The following ACY1 variants were observed in gnomAD, a reference collection of about 807,000 sequenced individuals.
ACY1 encodes the protein aminoacylase 1, also known as aminoacylase-1.
Under a neutral mutation model 53.3 loss-of-function variants are expected in ACY1, and 38 were observed. The observed-to-expected ratio is 0.71, with a 90% CI of 0.55 to 0.93. The LOEUF (loss-of-function observed/expected upper bound fraction) is 0.93. Ranked by LOEUF, ACY1 falls within the 40% of genes least tolerant of loss-of-function variation. The pLI is 0.00. For missense variants in ACY1, 484 were observed against 540.9 expected, an observed-to-expected ratio of 0.89 and a Z score of 1.04; for synonymous variants, 177 against 202.1, an observed-to-expected ratio of 0.88 and a Z score of 1.05.
rs774101500 is a variant in ACY1, at chr3:51,985,240, G to T, written c.128G>T (p.Arg43Leu). 4 of 1,607,452 alleles carry T rather than the reference G, an allele frequency of 2.5e-6. No homozygotes were observed. Among genetic ancestry groups the T allele is most frequent in the Non-Finnish European group, 3.4e-6 (4 of 1,177,172 alleles). ...AAVAFFEETA[R>L]QLGLGCQKVE... Reference sequence around the variant, plus strand: ...GTGGCTTTCTTTGAGGAGACAGCCCGCCAGCTGGGCCTGGGCTGTCAGAAA... The same window carrying T: ...GTGGCTTTCTTTGAGGAGACAGCCCTCCAGCTGGGCCTGGGCTGTCAGAAA... Residue 43 changes from arginine (R) to leucine (L), a missense_variant, in exon 3 of 15, where the codon CGC (arginine) becomes CTC (leucine). Coordinates refer to ENST00000636358, the MANE Select transcript of ACY1 (RefSeq NM_000666.3).
At position 51,988,813 on chromosome 3, in the gene ACY1, G is replaced by A. The variant is rs145142945; in HGVS notation, c.1049G>A (p.Arg350His). The A allele has an allele frequency of 8.7e-6, 14 of 1,614,008 alleles. No individual in the cohort carries two copies. Among genetic ancestry groups the A allele is most frequent in the Admixed American group, 5.0e-5 (3 of 60,000 alleles). Reference sequence around the variant, plus strand: ...ATCATGCCTGCTGCCACTGACAACCGCTATATCCGCGCGGTGAGCCACTTG... The same window carrying A: ...ATCATGCCTGCTGCCACTGACAACCACTATATCCGCGCGGTGAGCCACTTG... ...PEIMPAATDN[R>H]YIRAVGVPAL... Residue 350 changes from arginine to histidine, a missense_variant, in exon 14 of 15, where the codon CGC (arginine) becomes CAC (histidine). Physicochemically the swap from Arg to His is conservative, Grantham distance 29. Transcript: ENST00000636358.
At position 51,984,141 on chromosome 3, in the gene ACY1, A is replaced by C. The variant is rs766664678; in HGVS notation, c.77A>C (p.Gln26Pro). ...FRQYLRIRTV[Q>P]PKPDYGAAVA... ...CAGTACCTGCGTATCCGCACTGTCC[A>C]GCCCAAGCCTGACTATGGTGAGAAG... is the stretch of plus-strand genomic sequence containing the variant. The change falls in exon 2 of 15, where the codon CAG becomes CCG. Residue 26 changes from glutamine (Q) to proline (P), a missense_variant. Coordinates refer to ENST00000636358, the MANE Select transcript of ACY1 (RefSeq NM_000666.3). The C allele has an allele frequency of 4.3e-6, 7 of 1,613,874 alleles. No individual in the cohort carries two copies. The highest frequency in any genetic ancestry group is 5.9e-6 in the Non-Finnish European group (7 of 1,180,020).
At chr3:51,984,231 A>C (rs1215011272) in intron 2 of ACY1, 73 bp downstream of exon 2, 1 of 1,377,470 alleles carries the variant, frequency 7.3e-7, no homozygotes, top group Non-Finnish European at 1.0e-6. Flanking sequence ...CCAGCCTCCA[A>C]CCCCTGTCAC....
intron 12 of ACY1, 75 bp from the exon 13 acceptor site, chr3:51,988,449 A>G (rs1577732175): frequency 7.2e-7 from 1 of 1,393,978 alleles, no homozygotes. Context: ...TGTACTAGGC[A>G]CAGCCCACTC....
chr3:51,987,593 CTGGCGAGGGGG>C lies in ACY1; in HGVS notation c.892_902del (p.Gly298HisfsTer17). 1 of 1,614,146 alleles carries C rather than the reference CTGGCGAGGGGG, an allele frequency of 6.2e-7. No individual in the cohort carries two copies. The highest frequency in any genetic ancestry group is 8.5e-7 in the Non-Finnish European group (1 of 1,180,014). On this transcript the variant is annotated frameshift_variant, in exon 12 of 15. Coordinates refer to ENST00000636358, the MANE Select transcript of ACY1 (RefSeq NM_000666.3). LOFTEE classifies it high-confidence loss of function. ...CAGCTGCAGAGCTGGTGCCAGGCAG[CTGGCGAGGGGG>C]TCACCCTAGAGTTTGCTCAGGTATG...
intron 12 of ACY1, 195 bp from the exon 13 acceptor site, chr3:51,988,329 G>A: frequency 1.5e-6 from 1 of 656,098 alleles, no homozygotes; most frequent in Non-Finnish European, 2.8e-6. Flanking sequence ...GTAGACGGAG[G>A]GTGGGAAGGT....
In ACY1 at chr3:51,985,392, C is replaced by A; in HGVS notation, c.191C>A (p.Thr64Asn). 2.5e-6 allele frequency: 4 copies of A among 1,614,132 alleles called. No individual in the cohort carries two copies. The highest frequency in any genetic ancestry group is 3.4e-6 in the Non-Finnish European group (4 of 1,180,030). The change falls in exon 4 of 15, where the codon ACC becomes AAC. Residue 64 changes from threonine (T) to asparagine (N), a missense_variant. Thr to Asn is a moderately conservative substitution (Grantham distance 65, BLOSUM62 0). Transcript: ENST00000636358. ...CCTGGCTATGTGGTGACCGTGTTGA[C>A]CTGGCCAGGCACCAACCCTACACTC... ...VAPGYVVTVL[T>N]WPGTNPTLSS...
At chr3:51,984,833 A>AT in intron 2 of ACY1, 1 of 269,194 alleles carries the variant, frequency 3.7e-6, no homozygotes, top group South Asian at 4.0e-5. Context: ...AAAAAAAAAA[A>AT]GGAAAAGAAA....
intron 5 of ACY1, 135 bp downstream of exon 5, chr3:51,986,081 A>G (rs1701045770): frequency 1.9e-6 from 2 of 1,080,574 alleles, no homozygotes; most frequent in Non-Finnish European, 2.8e-6. Context: ...TACTGCCATG[A>G]CCATTGCATG....
At chr3:51,984,336 AG>A (rs1324912359) in intron 2 of ACY1, 178 bp downstream of exon 2, 14 of 673,362 alleles carry the variant, frequency 2.1e-5, no homozygotes, top group Middle Eastern at 5.4e-4. Flanking sequence ...CAGGTTAGGG[AG>A]GAACCCTTTC....
intron 2 of ACY1, 83 bp downstream of exon 2, chr3:51,984,241 C>G: frequency 7.8e-7 from 1 of 1,277,000 alleles, no homozygotes; most frequent in Non-Finnish European, 1.1e-6. Flanking sequence ...ACCCCTGTCA[C>G]CCAGCTGAGC....
chr3:51,985,492 A>G lies in ACY1; in HGVS notation c.264+27A>G, dbSNP rs749546290. 5 of 1,608,670 alleles carry G rather than the reference A, an allele frequency of 3.1e-6. No individual in the cohort carries two copies. In the East Asian group the frequency reaches 1.1e-4, roughly 36 times the overall value. On this transcript the variant is annotated intron_variant, in intron 4 of 14. Transcript: ENST00000636358. ...TGTGTAAGGGGCTGGGGAGGTGGGC[A>G]GTGCAGGCCTTGGGGACAGACATGA...
chr3:51,985,728 T>G (rs1327325448), intron 4 of ACY1, 124 bp from the exon 5 acceptor site: 1 of 895,562 alleles, frequency 1.1e-6, no homozygotes, highest in Non-Finnish European at 1.8e-6. Flanking sequence ...CCGTCTTTCC[T>G]CTCCCACCAC....
chr3:51,986,734 A>G lies in ACY1; in HGVS notation c.583+73A>G. The G allele has an allele frequency of 2.5e-6, 4 of 1,571,188 alleles. No individual in the cohort carries two copies. In the South Asian group the frequency reaches 4.4e-5, roughly 17 times the overall value. The stretch of plus-strand genomic sequence containing the variant: ...GGCCAGAAAGGGCACGGTCCTATGC[A>G]GGGTTGCACAGCAAAGTTGAGGCCT... On this transcript the variant is annotated intron_variant, in intron 8 of 14. Coordinates refer to ENST00000636358, the MANE Select transcript of ACY1 (RefSeq NM_000666.3).
At position 51,985,897 on chromosome 3, in the gene ACY1, G is replaced by A; in HGVS notation, c.310G>A (p.Gly104Ser). 6.2e-7 allele frequency: 1 copy of A among 1,613,648 alleles called. No individual in the cohort carries two copies. The highest frequency in any genetic ancestry group is 8.5e-7 in the Non-Finnish European group (1 of 1,179,850). The change falls in exon 5 of 15, where the codon GGC becomes AGC. Residue 104 changes from glycine to serine, a missense_variant. Physicochemically the swap from Gly to Ser is moderately conservative, Grantham distance 56. Coordinates refer to ENST00000636358, the MANE Select transcript of ACY1 (RefSeq NM_000666.3). ...DPFEAFKDSEGYIYARGAQDM... is the reference protein window; with the variant it reads ...DPFEAFKDSESYIYARGAQDM... ...CTTTGAGGCCTTCAAGGATTCTGAG[G>A]GCTACATCTATGCCAGGGGTGCCCA...
At position 51,985,936 on chromosome 3, in the gene ACY1, G is replaced by A. The variant is rs371565753; in HGVS notation, c.349G>A (p.Val117Ile). 33 of 1,611,496 alleles carry A rather than the reference G, an allele frequency of 2.0e-5. No homozygotes were observed. Among genetic ancestry groups the A allele is most frequent in the East Asian group, 4.5e-5 (2 of 44,806 alleles). The change falls in exon 5 of 15, where the codon GTC (valine) becomes ATC (isoleucine). Residue 117 changes from valine to isoleucine, a missense_variant. Transcript: ENST00000636358. ...CAGGGGTGCCCAGGACATGAAGTGCGTCAGCATCCAGTGAGTGTCCTCCAT... is the reference window on the plus strand; with the variant it reads ...CAGGGGTGCCCAGGACATGAAGTGCATCAGCATCCAGTGAGTGTCCTCCAT... ...YARGAQDMKC[V>I]SIQYLEAVRR...
intron 5 of ACY1, 115 bp from the exon 6 acceptor site, chr3:51,986,140 A>C (rs1050710648): frequency 5.1e-6 from 6 of 1,175,794 alleles, no homozygotes; most frequent in African/African-American, 1.5e-5. Context: ...TGGAGTCCCT[A>C]TCAGGGTGTG....
chr3:51,987,748 A>G (rs1701126870), intron 12 of ACY1, 124 bp downstream of exon 12: 1 of 1,065,582 alleles, frequency 9.4e-7, no homozygotes, highest in South Asian at 1.5e-5. Context: ...TGACAGACAC[A>G]TTTTATTCCA....
chr3:51,985,455 C>G lies in ACY1; in HGVS notation c.254C>G (p.Pro85Arg). The change falls in exon 4 of 15, where the codon CCT becomes CGT. Residue 85 changes from proline to arginine, a missense_variant. Transcript: ENST00000636358. Reference sequence around the variant, plus strand: ...CTCAACTCCCACACGGATGTGGTGCCTGTCTTCAAGGTGTGTAAGGGGCTG... The same window carrying G: ...CTCAACTCCCACACGGATGTGGTGCGTGTCTTCAAGGTGTGTAAGGGGCTG... ...ILLNSHTDVV[P>R]VFKEHWSHDP... 1 of 1,613,952 alleles carries G rather than the reference C, an allele frequency of 6.2e-7. No homozygotes were observed. Among genetic ancestry groups the G allele is most frequent in the Non-Finnish European group, 8.5e-7 (1 of 1,180,014 alleles).
Sources: gnomAD v4.1 joint callset for allele counts on GRCh38, gnomAD v4.1.1 for gene constraint, MANE v1.5 for transcripts, NCBI Gene and HGNC (gene_info 2026-07-23, HGNC 2026-07-21) for gene names.